TLN1: variants seen among roughly 807,000 people sequenced by gnomAD.
TLN1 encodes talin-1.
A neutral mutation model predicts 292.3 loss-of-function variants in TLN1; 56 were observed. The ratio of observed to expected loss-of-function variants is 0.19; its 90% CI spans 0.15 to 0.24. The LOEUF (loss-of-function observed/expected upper bound fraction) is 0.24. Ranked by LOEUF, TLN1 falls within the 10% of genes least tolerant of loss-of-function variation. The pLI is 1.00. For missense variants in TLN1, 2,433 were observed against 3,248.2 expected, an observed-to-expected ratio of 0.75 and a Z score of 6.10; for synonymous variants, 1,119 against 1,253.7, an observed-to-expected ratio of 0.89 and a Z score of 2.27.
At position 35,719,872 on chromosome 9, in the gene TLN1, A is replaced by G; in HGVS notation, c.1465-19T>C. On this transcript the variant is annotated intron_variant, in intron 13 of 56. Transcript: ENST00000314888. The surrounding 1 kb of genome is among the most constrained non-coding windows in gnomAD (Gnocchi z 4.6). ...CTGAAGTCTAAAGACAAGTGGGGAG[A>G]AACAGGGACTGGAATGGATGTTTGG... 1.3e-6 allele frequency: 2 copies of G among 1,575,144 alleles called. No homozygotes were observed. The highest frequency in any genetic ancestry group is 1.7e-6 in the Non-Finnish European group (2 of 1,159,210).
In TLN1 at chr9:35,707,111, G is replaced by A. The variant is rs747616908; in HGVS notation, c.4916C>T (p.Thr1639Ile). The change falls in exon 37 of 57, where the codon ACT (threonine) becomes ATT (isoleucine). Residue 1639 changes from threonine (T) to isoleucine (I), a missense_variant. Around this residue, in one of 7 missense-constraint regions of TLN1, gnomAD observed 1,384 missense variants for 1,699.6 expected, o/e 0.81. Coordinates refer to ENST00000314888, the MANE Select transcript of TLN1 (RefSeq NM_006289.4). This position sits in a 1 kb window ranked among gnomAD's most constrained non-coding sequence, Gnocchi z 5.6. ...TAGCTTCTTGATGGAGTCTGAGACAGTACGGGAGTGGCCGGCCAGCACCGA... is the reference window on the plus strand; with the variant it reads ...TAGCTTCTTGATGGAGTCTGAGACAATACGGGAGTGGCCGGCCAGCACCGA... ...SWSVLAGHSR[T>I]VSDSIKKLIT... The A allele has an allele frequency of 1.1e-5, 17 of 1,612,786 alleles. No individual in the cohort carries two copies. The East Asian group carries it at 3.6e-4, about 34-fold the overall frequency.
chr9:35,705,414 C>T, intron 43 of TLN1, 137 bp downstream of exon 43: 2 of 863,130 alleles, frequency 2.3e-6, no homozygotes, highest in Non-Finnish European at 3.6e-6. Flanking sequence ...CAGAGCCTCA[C>T]TAGTCTTCAG....
intron 1 of TLN1, among the ~76,000 whole-genome samples, chr9:35,726,468 T>C (rs1269942291): frequency 6.6e-6 from 1 of 152,262 alleles, no homozygotes; most frequent in Non-Finnish European, 1.5e-5. Context: ...GGCTCTTCCC[T>C]GTCCGGGATT....
intron 1 of TLN1, among the ~76,000 whole-genome samples, chr9:35,727,723 A>G (rs748846935): frequency 1.3e-5 from 2 of 152,206 alleles, no homozygotes; most frequent in African/African-American, 2.4e-5. Flanking sequence ...GCCAAGAAGC[A>G]GGACTGAAAG....
rs896668300 is a variant in TLN1, at chr9:35,697,530, C to T, written c.*261G>A. On this transcript the variant is annotated 3_prime_UTR_variant, in exon 57 of 57. Transcript: ENST00000314888. Reference sequence around the variant, plus strand: ...GCCCCGGCAGATTCAGATCGAGGTACAGCAGCGTTAATAATACTCTTGGAG... The same window carrying T: ...GCCCCGGCAGATTCAGATCGAGGTATAGCAGCGTTAATAATACTCTTGGAG... 1.8e-5 allele frequency: 9 copies of T among 492,552 alleles called. No individual in the cohort carries two copies. The highest frequency in any genetic ancestry group is 3.2e-5 in the Non-Finnish European group (9 of 280,744). 30.5% of individuals were successfully genotyped at this position (492,552 alleles called of 1,614,324 possible).
chr9:35,716,937 G>A (rs935628984), intron 19 of TLN1, among the ~76,000 whole-genome samples: 1 of 152,148 alleles, frequency 6.6e-6, no homozygotes, highest in African/African-American at 2.4e-5. Flanking sequence ...AATGCTCCAG[G>A]GAAGGTAGAG....
chr9:35,725,669 C>G lies in TLN1; in HGVS notation c.26G>C (p.Ser9Thr). 2 of 1,613,924 alleles carry G rather than the reference C, an allele frequency of 1.2e-6. No individual in the cohort carries two copies. The highest frequency in any genetic ancestry group is 1.7e-6 in the Non-Finnish European group (2 of 1,179,964). Residue 9 changes from serine (S) to threonine (T), a missense_variant, in exon 2 of 57, where the codon AGC (serine) becomes ACC (threonine). By Grantham distance (58) the Ser-to-Thr change is moderately conservative. Coordinates refer to ENST00000314888, the MANE Select transcript of TLN1 (RefSeq NM_006289.4). The part of the protein sequence containing the change: MVALSLKI[S>T]IGNVVKTMQF... Reference sequence around the variant, plus strand: ...CATCGTCTTCACCACATTCCCAATGCTGATCTTCAGTGAAAGTGCAACCAT... The same window carrying G: ...CATCGTCTTCACCACATTCCCAATGGTGATCTTCAGTGAAAGTGCAACCAT...
chr9:35,713,228 C>T lies in TLN1; in HGVS notation c.3320G>A (p.Gly1107Glu), dbSNP rs748333389. 1 of 1,597,998 alleles carries T rather than the reference C, an allele frequency of 6.3e-7. No homozygotes were observed. The highest frequency in any genetic ancestry group is 2.3e-5 in the East Asian group (1 of 44,314). Residue 1107 changes from glycine to glutamate, a missense_variant, in exon 26 of 57, where the codon GGA (glycine) becomes GAA (glutamate). By Grantham distance (98) the Gly-to-Glu change is moderately conservative. Around this residue, in one of 7 missense-constraint regions of TLN1, gnomAD observed 1,384 missense variants for 1,699.6 expected, o/e 0.81. Transcript: ENST00000314888. ...ATTCTCATTGCCCTGGGCAACCTCT[C>T]CCAGTAGCTGGGCGATGGCTGAGCT... is the stretch of plus-strand genomic sequence containing the variant. ...AVSSAIAQLLGEVAQGNENYA... is the reference protein window; with the variant it reads ...AVSSAIAQLLEEVAQGNENYA...
chr9:35,713,360 G>A lies in TLN1; in HGVS notation c.3250-62C>T, dbSNP rs916569838. ...GAGAAGGTGAGGAGAAGGAACCTGA[G>A]AAGGTACTTGGGGACAGGTGGCAAT... is the stretch of plus-strand genomic sequence containing the variant. On this transcript the variant is annotated intron_variant, in intron 25 of 56. Transcript: ENST00000314888. 10 of 1,369,670 alleles carry A rather than the reference G, an allele frequency of 7.3e-6. No individual in the cohort carries two copies. In the African/African-American group the frequency reaches 1.2e-4, roughly 16 times the overall value. The allele number at this position is 1,369,670 out of a possible 1,614,324, so 84.8% of individuals were successfully genotyped here. A position where few individuals can be genotyped will look rare whatever the true frequency, so the allele number is the denominator to read the frequency against.
At position 35,711,918 on chromosome 9, in the gene TLN1, C is replaced by A. The variant is rs991057296; in HGVS notation, c.3681+87G>T. ...ATGAAAGGGGACAGATCTGGGAAGT[C>A]AGGGTCAAAGGACAACCGAGAGGGA... On this transcript the variant is annotated intron_variant, in intron 28 of 56. Coordinates refer to ENST00000314888, the MANE Select transcript of TLN1 (RefSeq NM_006289.4). 32 of 1,592,938 alleles carry A rather than the reference C, an allele frequency of 2.0e-5. No homozygotes were observed. In the African/African-American group the frequency reaches 4.0e-4, roughly 20 times the overall value.
chr9:35,717,365 C>A lies in TLN1; in HGVS notation c.2239G>T (p.Val747Leu). 1 of 1,614,188 alleles carries A rather than the reference C, an allele frequency of 6.2e-7. No homozygotes were observed. The highest frequency in any genetic ancestry group is 8.5e-7 in the Non-Finnish European group (1 of 1,180,028). The part of the protein sequence containing the change: ...VEAGRLVAKA[V>L]EGCVSASQAA... ...TGGGAGGCAGACACACAGCCCTCCACGGCTTTGGCTACCAGTCGTCCAGCC... is the reference window on the plus strand; with the variant it reads ...TGGGAGGCAGACACACAGCCCTCCAAGGCTTTGGCTACCAGTCGTCCAGCC... The change falls in exon 19 of 57, where the codon GTG (valine) becomes TTG (leucine). Residue 747 changes from valine (V) to leucine (L), a missense_variant. Val to Leu is a conservative substitution (Grantham distance 32). Around this residue, in one of 7 missense-constraint regions of TLN1, gnomAD observed 617 missense variants for 770.6 expected, o/e 0.80. Transcript: ENST00000314888. The surrounding 1 kb of genome is among the most constrained non-coding windows in gnomAD (Gnocchi z 4.7).
At chr9:35,700,151 G>C (rs1458300971) in intron 49 of TLN1, 40 bp downstream of exon 49, 2 of 1,593,094 alleles carry the variant, frequency 1.3e-6, no homozygotes. Flanking sequence ...CTATGTTCTG[G>C]CCCAAAGCTG....
chr9:35,723,767 C>G, intron 7 of TLN1, 185 bp downstream of exon 7: 2 of 816,276 alleles, frequency 2.5e-6, no homozygotes, highest in Non-Finnish European at 3.9e-6. Context: ...GAACTACATT[C>G]ATATTCCAGA....
At chr9:35,723,007 A>C in intron 7 of TLN1, 86 bp from the exon 8 acceptor site, 1 of 1,132,644 alleles carries the variant, frequency 8.8e-7, no homozygotes, top group South Asian at 1.2e-5. Context: ...GGGTATGAGG[A>C]AATACCTAGG....
chr9:35,714,829 T>C lies in TLN1; in HGVS notation c.2802A>G (p.Ala934=). The C allele has an allele frequency of 6.4e-7, 1 of 1,573,302 alleles. No individual in the cohort carries two copies. Residue 934 remains alanine (A), a synonymous_variant, in exon 22 of 57, where the codon GCA becomes GCG. Transcript: ENST00000314888. The surrounding 1 kb of genome is among the most constrained non-coding windows in gnomAD (Gnocchi z 4.6). The part of the protein sequence containing the change: ...AAASATQTIA[A]AQHAASTPKA... ...TGGGGGTAGAGGCTGCGTGCTGAGC[T>C]GCAGCGATGGTCTGTGTGGCTGAGG...
chr9:35,707,341 G>A lies in TLN1; in HGVS notation c.4773+7C>T, dbSNP rs55810625. On this transcript the variant is annotated splice_region_variant and intron_variant, in intron 36 of 56. Transcript: ENST00000314888. The surrounding 1 kb of genome is among the most constrained non-coding windows in gnomAD (Gnocchi z 5.6). ...GGCCCATCAGTTCCCCCTTCACATC[G>A]CCTCACCTCAGGGCTGATCTGGGCA... 0.27 allele frequency: 434,278 copies of A among 1,613,016 alleles called. 61,280 individuals are homozygous for A. The highest frequency in any genetic ancestry group is 0.32 in the East Asian group (14,417 of 44,802).
At chr9:35,705,003 C>T (rs759668240) in intron 43 of TLN1, among the ~76,000 whole-genome samples, 188 bp from the exon 44 acceptor site, 1 of 152,184 alleles carries the variant, frequency 6.6e-6, no homozygotes, top group Non-Finnish European at 1.5e-5. Context: ...ACCTCCTACA[C>T]ACAGAAAATA....
intron 8 of TLN1, 65 bp downstream of exon 8, chr9:35,722,796 A>C (rs1459079043): frequency 1.4e-5 from 22 of 1,545,098 alleles, no homozygotes; most frequent in Non-Finnish European, 2.0e-5. Flanking sequence ...GGGGCCATTT[A>C]GTCAGTAAGA....
Position 35,706,396 on chromosome 9 carries a change from G to T in TLN1, c.5191-30C>A. On this transcript the variant is annotated intron_variant, in intron 39 of 56. Transcript: ENST00000314888. This position sits in a 1 kb window ranked among gnomAD's most constrained non-coding sequence, Gnocchi z 4.2. The stretch of plus-strand genomic sequence containing the variant: ...GGCAAGGGGTTGGACTAGGGGTCAG[G>T]TCCCCTCTCTCTCACCCTACTCCCT... 6.2e-7 allele frequency: 1 copy of T among 1,612,754 alleles called. No homozygotes were observed. The highest frequency in any genetic ancestry group is 8.5e-7 in the Non-Finnish European group (1 of 1,179,224).
Sources: gnomAD v4.1 joint callset for allele counts (sites outside exome capture counted in the v4.1 genomes callset) on GRCh38, gnomAD v4.1.1 for gene constraint, gnomAD v4.1.1 regional missense constraint, Gnocchi (gnomAD v3.1) non-coding constraint, MANE v1.5 for transcripts, NCBI Gene and HGNC (gene_info 2026-07-23, HGNC 2026-07-21) for gene names.